The following SLC25A33 variants were observed in gnomAD, a reference collection of about 807,000 sequenced individuals.
SLC25A33 encodes solute carrier family 25 member 33, also known as bone marrow stromal cell mitochondrial carrier protein.
In SLC25A33, 15 loss-of-function variants were observed where a neutral mutation model predicts 35.5. The ratio of observed to expected loss-of-function variants is 0.42; its 90% CI spans 0.28 to 0.65. The LOEUF (loss-of-function observed/expected upper bound fraction) is 0.65. SLC25A33 is among the 30% of genes least tolerant of loss of function. The probability of loss-of-function intolerance (pLI) is 0.20; values close to 1 mark genes in which losing one functional copy is unlikely to be tolerated. For synonymous variants in SLC25A33, 136 were observed against 148.7 expected (o/e 0.91, Z 0.62); for missense variants, 257 against 398.5 (o/e 0.64, Z 3.02).
intron 1 of SLC25A33, among the ~76,000 whole-genome samples, chr1:9,542,236 G>A (rs912451360): frequency 6.6e-6 from 1 of 152,042 alleles, no homozygotes; most frequent in Non-Finnish European, 1.5e-5. Context: ...TGTGCCCTCT[G>A]GCTGCCAGAT....
At position 9,580,133 on chromosome 1, in the gene SLC25A33, C is replaced by T; in HGVS notation, c.662C>T (p.Ser221Phe). ...TATCTGAAAGAAGCTCCATTAGCCT[C>T]TTCTGCAAATGGGACTGAGAAAAAT... Reference protein sequence around the residue: ...KKYLKEAPLASSANGTEKNST... With the variant: ...KKYLKEAPLAFSANGTEKNST... The change falls in exon 6 of 7, where the codon TCT (serine) becomes TTT (phenylalanine). Residue 221 changes from serine to phenylalanine, a missense_variant. Ser to Phe is a radical substitution (Grantham distance 155, BLOSUM62 -2). Coordinates refer to ENST00000302692, the MANE Select transcript of SLC25A33 (RefSeq NM_032315.3). 1 of 1,610,734 alleles carries T rather than the reference C, an allele frequency of 6.2e-7. No homozygotes were observed. Among genetic ancestry groups the T allele is most frequent in the Non-Finnish European group, 8.5e-7 (1 of 1,177,664 alleles).
At chr1:9,579,860 T>C (rs1014549837) in intron 5 of SLC25A33, 94 bp from the exon 6 acceptor site, 4 of 1,402,684 alleles carry the variant, frequency 2.9e-6, no homozygotes, top group Non-Finnish European at 3.9e-6. Flanking sequence ...CCTAACACCA[T>C]AAGGAAGACC....
intron 5 of SLC25A33, among the ~76,000 whole-genome samples, chr1:9,574,780 A>G (rs12123479): frequency 0.097 from 14,789 of 152,162 alleles, 1,417 homozygotes; most frequent in East Asian, 0.53. Flanking sequence ...CTAAGACCCA[A>G]ATTGGGATTA....
chr1:9,558,027 A>G (rs1032057671), intron 2 of SLC25A33, among the ~76,000 whole-genome samples: 7 of 152,330 alleles, frequency 4.6e-5, no homozygotes, highest in African/African-American at 1.7e-4. Flanking sequence ...ACGTGGTAGT[A>G]TTTCATTGAT....
At chr1:9,553,112 G>A (rs1014049697) in intron 1 of SLC25A33, among the ~76,000 whole-genome samples, 61 of 136,428 alleles carry the variant, frequency 4.5e-4, no homozygotes, top group African/African-American at 9.8e-4. Context: ...GGCTGGTCTC[G>A]AACTCCTGAC....
chr1:9,566,192 C>G (rs1420914386), intron 2 of SLC25A33, among the ~76,000 whole-genome samples: 2 of 152,136 alleles, frequency 1.3e-5, no homozygotes, highest in Non-Finnish European at 2.9e-5. Context: ...GCACACACCA[C>G]CACACCTGGC....
intron 6 of SLC25A33, among the ~76,000 whole-genome samples, chr1:9,581,011 G>A (rs1317670106): frequency 6.6e-6 from 1 of 151,846 alleles, no homozygotes; most frequent in Non-Finnish European, 1.5e-5. Context: ...TTAGTTTATT[G>A]TGCCATGAAA....
At chr1:9,559,538 CAA>C (rs142510122) in intron 2 of SLC25A33, among the ~76,000 whole-genome samples, 1 of 135,208 alleles carries the variant, frequency 7.4e-6, no homozygotes, top group Non-Finnish European at 1.6e-5. Flanking sequence ...TTAATAGAGG[CAA>C]AAAAAAAAGG....
chr1:9,581,219 A>G (rs938551101), intron 6 of SLC25A33, among the ~76,000 whole-genome samples: 4 of 152,140 alleles, frequency 2.6e-5, no homozygotes, highest in Admixed American at 6.5e-5. Context: ...GTCCAACTCT[A>G]GGTGTCTGGG....
At chr1:9,551,731 A>G (rs1643269470) in intron 1 of SLC25A33, among the ~76,000 whole-genome samples, 1 of 152,154 alleles carries the variant, frequency 6.6e-6, no homozygotes, top group Admixed American at 6.6e-5. Flanking sequence ...CTTGGAAGAC[A>G]TTTTCGTTGA....
chr1:9,573,263 A>G, intron 4 of SLC25A33, 83 bp from the exon 5 acceptor site: 1 of 995,650 alleles, frequency 1.0e-6, no homozygotes, highest in South Asian at 1.7e-5. Context: ...TCCCTATTTC[A>G]AAGTTTATTA....
At chr1:9,573,473 C>G (rs1643618239) in intron 5 of SLC25A33, 61 bp downstream of exon 5, 1 of 1,342,834 alleles carries the variant, frequency 7.4e-7, no homozygotes, top group African/African-American at 1.5e-5. Context: ...TTTCTTGCCC[C>G]AATTCCTCCA....
intron 2 of SLC25A33, among the ~76,000 whole-genome samples, chr1:9,555,203 C>T (rs193114107): frequency 1.7e-4 from 26 of 149,508 alleles, no homozygotes; most frequent in African/African-American, 5.4e-4. Context: ...CTGCAAGCTC[C>T]GCCTCCTGGG....
At chr1:9,564,739 A>AAAAAATATATATATATAT (rs60174872) in intron 2 of SLC25A33, among the ~76,000 whole-genome samples, 11 of 96,528 alleles carry the variant, frequency 1.1e-4, no homozygotes, top group African/African-American at 4.4e-4. Flanking sequence ...AAAAAAAAAA[A>AAAAAATATATATATATAT]ATATATATAT....
At chr1:9,564,740 ATATATATATAT>A (rs1487910368) in intron 2 of SLC25A33, among the ~76,000 whole-genome samples, 2 of 94,238 alleles carry the variant, frequency 2.1e-5, no homozygotes, top group African/African-American at 1.0e-4. Context: ...AAAAAAAAAA[ATATATATATAT>A]ATATATATAT....
At chr1:9,563,188 T>C (rs901099815) in intron 2 of SLC25A33, among the ~76,000 whole-genome samples, 1 of 152,032 alleles carries the variant, frequency 6.6e-6, no homozygotes, top group Non-Finnish European at 1.5e-5. Flanking sequence ...CCTCCCAGAG[T>C]GTTGGGATTA....
intron 1 of SLC25A33, among the ~76,000 whole-genome samples, chr1:9,553,211 T>TG (rs1643292511): frequency 7.4e-6 from 1 of 134,930 alleles, no homozygotes; most frequent in South Asian, 2.6e-4. Context: ...TTGTTTTTTT[T>TG]TTTTTTTTTT....
At chr1:9,577,224 G>A (rs991848348) in intron 5 of SLC25A33, among the ~76,000 whole-genome samples, 3 of 152,140 alleles carry the variant, frequency 2.0e-5, no homozygotes, top group South Asian at 2.1e-4. Context: ...TTGGGAGGCC[G>A]AGGTGTGCGG....
intron 2 of SLC25A33, among the ~76,000 whole-genome samples, chr1:9,564,739 A>AAAAAAAT (rs60174872): frequency 3.1e-5 from 3 of 96,584 alleles, no homozygotes; most frequent in African/African-American, 1.3e-4. Context: ...AAAAAAAAAA[A>AAAAAAAT]ATATATATAT....
Sources: gnomAD v4.1 joint callset for allele counts (sites outside exome capture counted in the v4.1 genomes callset) on GRCh38, gnomAD v4.1.1 for gene constraint, MANE v1.5 for transcripts, NCBI Gene and HGNC (gene_info 2026-07-23, HGNC 2026-07-21) for gene names.